NLK: variants seen among roughly 807,000 people sequenced by gnomAD.
The protein encoded by NLK is serine/threonine-protein kinase NLK.
NLK carries 11 observed loss-of-function variants against 59.0 expected under a neutral mutation model. That is an observed-to-expected ratio of 0.19 (90% confidence interval 0.12 to 0.31). The LOEUF (loss-of-function observed/expected upper bound fraction) is 0.31, where lower values mean the gene tolerates loss of function less well. Among genes scored for constraint, NLK ranks in the 10% least tolerant of loss-of-function variants. The probability of loss-of-function intolerance (pLI) is 1.00; values close to 1 mark genes in which losing one functional copy is unlikely to be tolerated. For missense variants in NLK, 410 were observed against 661.1 expected (o/e 0.62, Z 4.16); for synonymous variants, 235 against 235.9 (o/e 1.00, Z 0.03).
intron 1 of NLK, among the ~76,000 whole-genome samples, chr17:28,070,120 C>T (rs1909958400): frequency 6.6e-6 from 1 of 151,680 alleles, no homozygotes; most frequent in Admixed American, 6.6e-5. Context: ...CCTGTAATCC[C>T]AGCTACTCAG....
intron 1 of NLK, among the ~76,000 whole-genome samples, chr17:28,117,616 G>C (rs553734361): frequency 4.3e-4 from 66 of 152,290 alleles, no homozygotes; most frequent in Non-Finnish European, 8.2e-4. Flanking sequence ...AGGAGGATAT[G>C]AAGAAAAGAA....
chr17:28,135,794 C>T (rs1345365564), intron 3 of NLK, among the ~76,000 whole-genome samples: 1 of 152,168 alleles, frequency 6.6e-6, no homozygotes, highest in African/African-American at 2.4e-5. Flanking sequence ...CCTTATAGTT[C>T]AGGCACATAT....
intron 1 of NLK, among the ~76,000 whole-genome samples, chr17:28,080,163 A>T (rs954887466): frequency 6.6e-6 from 1 of 152,120 alleles, no homozygotes; most frequent in African/African-American, 2.4e-5. Flanking sequence ...TTTAAAGAAG[A>T]GCTTCCAGTC....
intron 1 of NLK, among the ~76,000 whole-genome samples, chr17:28,121,463 CAATT>C: frequency 7.2e-6 from 1 of 139,366 alleles, no homozygotes; most frequent in East Asian, 2.2e-4. Context: ...CGTGTATACT[CAATT>C]TATTGGTATT....
At chr17:28,161,878 A>G (rs1437832141) in intron 4 of NLK, among the ~76,000 whole-genome samples, 1 of 152,196 alleles carries the variant, frequency 6.6e-6, no homozygotes, top group Non-Finnish European at 1.5e-5. Flanking sequence ...GAATTTTGCC[A>G]TTACAAGTAG....
intron 4 of NLK, among the ~76,000 whole-genome samples, chr17:28,161,640 C>T (rs1244040172): frequency 2.0e-5 from 3 of 152,162 alleles, no homozygotes; most frequent in East Asian, 1.9e-4. Flanking sequence ...CTATGGATGA[C>T]GTCCATCCTG....
At position 28,194,958 on chromosome 17, in the gene NLK, C is replaced by A. The variant is rs1443279051; in HGVS notation, c.*322C>A. On this transcript the variant is annotated 3_prime_UTR_variant, in exon 11 of 11. Transcript: ENST00000407008. ...GTTTGGGGTTTTATGTTTTGTTTTT[C>A]TTTTCTAAAATGAAGTGAGATTGTT... is the stretch of plus-strand genomic sequence containing the variant. 1.4e-5 allele frequency: 3 copies of A among 207,318 alleles called. No individual in the cohort carries two copies. Among genetic ancestry groups the A allele is most frequent in the Middle Eastern group, 1.7e-3 (1 of 594 alleles). 12.8% of individuals were successfully genotyped at this position (207,318 alleles called of 1,614,324 possible).
intron 2 of NLK, among the ~76,000 whole-genome samples, chr17:28,125,256 T>A (rs1343873823): frequency 1.3e-5 from 2 of 152,100 alleles, no homozygotes; most frequent in African/African-American, 4.8e-5. Context: ...TAAACTGAAT[T>A]TGTGAAAATC....
intron 1 of NLK, among the ~76,000 whole-genome samples, chr17:28,108,211 G>T (rs1288216277): frequency 2.0e-5 from 3 of 152,102 alleles, no homozygotes; most frequent in African/African-American, 7.2e-5. Flanking sequence ...GCAGCAGAGG[G>T]ATACTCTGTC....
chr17:28,173,539 G>A (rs1212675648), intron 7 of NLK, among the ~76,000 whole-genome samples: 1 of 152,138 alleles, frequency 6.6e-6, no homozygotes. Context: ...GGCATAAAGG[G>A]CAATGAGGTA....
At position 28,045,114 on chromosome 17, in the gene NLK, T is replaced by C. The variant is rs903913834; in HGVS notation, c.458+1783T>C. On this transcript the variant is annotated intron_variant, in intron 1 of 10. Coordinates refer to ENST00000407008, the MANE Select transcript of NLK (RefSeq NM_016231.5). ...TCTTTGATATCTGAAAGCCCACATA[T>C]ATTTGGTTTGAAGCCATTCTAGAGG... is the stretch of plus-strand genomic sequence containing the variant. Among the ~76,000 whole-genome samples the C allele has an allele frequency of 1.1e-4, 17 of 152,182 alleles. 1 individual carries two copies. The highest frequency in any genetic ancestry group is 1.1e-3 in the Admixed American group (17 of 15,276).
At chr17:28,091,802 A>G (rs1206766334) in intron 1 of NLK, among the ~76,000 whole-genome samples, 1 of 152,220 alleles carries the variant, frequency 6.6e-6, no homozygotes, top group Non-Finnish European at 1.5e-5. Context: ...GCAGGTGTGC[A>G]ACCAATCCAA....
chr17:28,191,629 T>G (rs975548822), intron 9 of NLK, among the ~76,000 whole-genome samples: 3 of 152,204 alleles, frequency 2.0e-5, no homozygotes, highest in African/African-American at 4.8e-5. Flanking sequence ...TAAAATTTTG[T>G]GGCAGGATCT....
At chr17:28,095,472 G>A (rs1904668012) in intron 1 of NLK, among the ~76,000 whole-genome samples, 1 of 152,126 alleles carries the variant, frequency 6.6e-6, no homozygotes, top group Non-Finnish European at 1.5e-5. Context: ...AAGAAATTCA[G>A]AGCTTGTGGG....
intron 1 of NLK, among the ~76,000 whole-genome samples, chr17:28,057,028 C>T (rs896232577): frequency 1.0e-4 from 15 of 143,768 alleles, no homozygotes; most frequent in Non-Finnish European, 1.8e-4. Context: ...GATCTTGGCT[C>T]ACTGCAACCT....
Position 28,195,523 on chromosome 17 carries a change from A to C in NLK, c.*887A>C, listed in dbSNP as rs1250553891. ...TTTTGTGAGACTTTTCCTGCACTGGACAGTAAAAAAATAATAAAAGACAAA... is the reference window on the plus strand; with the variant it reads ...TTTTGTGAGACTTTTCCTGCACTGGCCAGTAAAAAAATAATAAAAGACAAA... On this transcript the variant is annotated 3_prime_UTR_variant, in exon 11 of 11. Coordinates refer to ENST00000407008, the MANE Select transcript of NLK (RefSeq NM_016231.5). 6.6e-6 allele frequency: 1 copy of C among 152,394 alleles called. No homozygotes were observed. The highest frequency in any genetic ancestry group is 1.5e-5 in the Non-Finnish European group (1 of 68,014). 9.4% of individuals were successfully genotyped at this position (152,394 alleles called of 1,614,324 possible).
chr17:28,185,348 G>A, intron 8 of NLK, 83 bp downstream of exon 8: 1 of 831,818 alleles, frequency 1.2e-6, no homozygotes, highest in Non-Finnish European at 1.9e-6. Context: ...TGAATAGATT[G>A]GCAATGTAAA....
intron 1 of NLK, among the ~76,000 whole-genome samples, chr17:28,067,050 T>A (rs1909850033): frequency 6.6e-6 from 1 of 152,210 alleles, no homozygotes; most frequent in South Asian, 2.1e-4. Flanking sequence ...TAGTTCCTTT[T>A]TAAAAAAATT....
chr17:28,161,309 A>G (rs2142047830), intron 4 of NLK, 43 bp downstream of exon 4: 1 of 1,070,376 alleles, frequency 9.3e-7, no homozygotes, highest in Non-Finnish European at 1.5e-6. Flanking sequence ...CACACTGTAA[A>G]TGAAATGTTT....
Sources: allele counts gnomAD v4.1 joint callset (sites outside exome capture counted in the v4.1 genomes callset), GRCh38; gene constraint gnomAD v4.1.1; transcripts MANE v1.5; gene names NCBI Gene and HGNC (gene_info 2026-07-23, HGNC 2026-07-21).